The following ACSL1 variants were observed in gnomAD, a reference collection of about 807,000 sequenced individuals.
The protein encoded by ACSL1 is long-chain-fatty-acid--CoA ligase 1.
A neutral mutation model predicts 98.4 loss-of-function variants in ACSL1; 41 were observed. The ratio of observed to expected loss-of-function variants is 0.42; its 90% CI spans 0.32 to 0.54. The LOEUF (loss-of-function observed/expected upper bound fraction) is 0.54, where lower values mean the gene tolerates loss of function less well. ACSL1 is among the 20% of genes least tolerant of loss of function. The pLI, the probability that ACSL1 is intolerant of heterozygous loss-of-function variation, is 0.13. For missense variants in ACSL1, 734 were observed against 883.1 expected (o/e 0.83, Z 2.14); for synonymous variants, 316 against 322.7 (o/e 0.98, Z 0.22).
intron 4 of ACSL1, 128 bp downstream of exon 4, chr4:184,783,799 C>T (rs1193373931): frequency 1.2e-6 from 1 of 855,986 alleles, no homozygotes; most frequent in Non-Finnish European, 1.9e-6. Flanking sequence ...ATGCCCCATG[C>T]TTACGGCAAG....
In ACSL1 at chr4:184,766,293, G is replaced by A. The variant is rs1763602941; in HGVS notation, c.1264-307C>T. Among the ~76,000 whole-genome samples, 1 of 152,172 alleles carries A rather than the reference G, an allele frequency of 6.6e-6. No homozygotes were observed. Among genetic ancestry groups the A allele is most frequent in the Non-Finnish European group, 1.5e-5 (1 of 68,036 alleles). On this transcript the variant is annotated intron_variant, in intron 13 of 20. Transcript: ENST00000281455. This position sits in a 1 kb window ranked among gnomAD's most constrained non-coding sequence, Gnocchi z 4.8. Reference sequence around the variant, plus strand: ...TACCACAATTCTGGCCTTCTGGGGGGCATGATATTGTTACACGTTATCACT... The same window carrying A: ...TACCACAATTCTGGCCTTCTGGGGGACATGATATTGTTACACGTTATCACT...
At position 184,760,393 on chromosome 4, in the gene ACSL1, A is replaced by C. The variant is rs752043482; in HGVS notation, c.1746T>G (p.Pro582=). The C allele has an allele frequency of 6.2e-7, 1 of 1,614,198 alleles. No individual in the cohort carries two copies. ...KIENIYMRSE[P]VAQVFVHGES... ...CTCCGTGGACAAACACCTGAGCAAC[A>C]GGCTCACTTCGCATGTAGATATTTT... The change falls in exon 18 of 21, where the codon CCT becomes CCG. Residue 582 remains proline (P), a synonymous_variant. Transcript: ENST00000281455.
chr4:184,786,006 G>C (rs1302611094), intron 3 of ACSL1, among the ~76,000 whole-genome samples: 1 of 152,112 alleles, frequency 6.6e-6, no homozygotes, highest in Non-Finnish European at 1.5e-5. Flanking sequence ...TGGGTGAGCG[G>C]AGTGAGTGTG....
At position 184,825,210 on chromosome 4, in the gene ACSL1, TTCAAG is replaced by T; in HGVS notation, c.-33+701_-33+705del. The T allele has an allele frequency of 3.0e-6, 3 of 985,382 alleles. No homozygotes were observed. Among genetic ancestry groups the T allele is most frequent in the Non-Finnish European group, 3.6e-6 (3 of 829,912 alleles). 61.0% of individuals were successfully genotyped at this position (985,382 alleles called of 1,614,324 possible). On this transcript the variant is annotated intron_variant, in intron 1 of 20. Transcript: ENST00000281455. The surrounding 1 kb of genome is among the most constrained non-coding windows in gnomAD (Gnocchi z 4.7). ...CCCCAGACTCGAATCCACGTGTCCATTCAAGTCATCTACCGCCACTCTCCGTCTAC... is the reference window on the plus strand; with the variant it reads ...CCCCAGACTCGAATCCACGTGTCCATTCATCTACCGCCACTCTCCGTCTAC...
intron 12 of ACSL1, among the ~76,000 whole-genome samples, chr4:184,767,283 CAA>C (rs59005386): frequency 8.7e-4 from 83 of 95,508 alleles, no homozygotes; most frequent in Middle Eastern, 5.4e-3. Flanking sequence ...GACCCTGTCT[CAA>C]AAAAAAAAAA....
chr4:184,816,499 A>G (rs911402359), intron 1 of ACSL1, among the ~76,000 whole-genome samples: 10 of 152,138 alleles, frequency 6.6e-5, no homozygotes, highest in South Asian at 6.2e-4. Flanking sequence ...CAGAAAGAAA[A>G]AGAGACTATG....
intron 1 of ACSL1, chr4:184,813,901 C>A: frequency 2.2e-6 from 1 of 455,920 alleles, no homozygotes; most frequent in Non-Finnish European, 4.4e-6. Context: ...AAACTGCACG[C>A]AGAGAAGGTA....
At chr4:184,814,921 C>T in intron 1 of ACSL1, 1 of 400,478 alleles carries the variant, frequency 2.5e-6, no homozygotes, top group Admixed American at 3.0e-5. Context: ...AAAGAAGCAA[C>T]ACTCTGAACA....
chr4:184,794,576 G>A (rs1359291681), intron 2 of ACSL1, among the ~76,000 whole-genome samples: 2 of 152,072 alleles, frequency 1.3e-5, no homozygotes, highest in African/African-American at 4.8e-5. Context: ...TATGGAGCCT[G>A]CTAAAGGCCA....
At position 184,773,119 on chromosome 4, in the gene ACSL1, T is replaced by C. The variant is rs745865004; in HGVS notation, c.877A>G (p.Ile293Val). Reference sequence around the variant, plus strand: ...ACAAAAGCTGAACAATCGCTCACTATGTTTCGGTGAGTGACCATTGCTCCT... The same window carrying C: ...ACAAAAGCTGAACAATCGCTCACTACGTTTCGGTGAGTGACCATTGCTCCT... The part of the protein sequence containing the change: ...PKGAMVTHRN[I>V]VSDCSAFVKA... The change falls in exon 10 of 21, where the codon ATA (isoleucine) becomes GTA (valine). Residue 293 changes from isoleucine (I) to valine (V), a missense_variant. By Grantham distance (29) the Ile-to-Val change is conservative. Coordinates refer to ENST00000281455, the MANE Select transcript of ACSL1 (RefSeq NM_001995.5). This position sits in a 1 kb window ranked among gnomAD's most constrained non-coding sequence, Gnocchi z 4.3. 8.7e-5 allele frequency: 140 copies of C among 1,614,082 alleles called. 3 individuals are homozygous for C. In the South Asian group the frequency reaches 1.0e-3, roughly 12 times the overall value.
chr4:184,787,711 A>G (rs568297846), intron 3 of ACSL1, among the ~76,000 whole-genome samples: 4 of 152,094 alleles, frequency 2.6e-5, no homozygotes, highest in African/African-American at 9.7e-5. Flanking sequence ...TAAAAAATAC[A>G]AAATTAGCTG....
intron 1 of ACSL1, among the ~76,000 whole-genome samples, chr4:184,813,173 A>T (rs890150482): frequency 6.6e-5 from 10 of 152,232 alleles, no homozygotes; most frequent in Non-Finnish European, 8.8e-5. Flanking sequence ...GGTCATGTAC[A>T]GCCTTTGCGT....
At position 184,803,850 on chromosome 4, in the gene ACSL1, T is replaced by C. The variant is rs1290531636; in HGVS notation, c.-32-304A>G. 6.6e-6 allele frequency among the ~76,000 whole-genome samples: 1 copy of C among 152,222 alleles called. No individual in the cohort carries two copies. Among genetic ancestry groups the C allele is most frequent in the East Asian group, 1.9e-4 (1 of 5,202 alleles). The stretch of plus-strand genomic sequence containing the variant: ...AGAATTCTTCCCATAAAAACTCAAA[T>C]AAGTAGATTTAAGTTTCTATTTTCT... On this transcript the variant is annotated intron_variant, in intron 1 of 20. Transcript: ENST00000281455. This position sits in a 1 kb window ranked among gnomAD's most constrained non-coding sequence, Gnocchi z 4.8.
intron 2 of ACSL1, among the ~76,000 whole-genome samples, chr4:184,791,743 T>G (rs2150391269): frequency 6.6e-6 from 1 of 152,142 alleles, no homozygotes; most frequent in African/African-American, 2.4e-5. Context: ...CAGTGGGAGT[T>G]GGGAGCCGGG....
intron 1 of ACSL1, chr4:184,813,905 G>A (rs1385403558): frequency 4.4e-6 from 2 of 455,698 alleles, no homozygotes; most frequent in Non-Finnish European, 8.8e-6. Flanking sequence ...TGCACGCAGA[G>A]AAGGTACCTA....
In ACSL1 at chr4:184,757,225, T is replaced by C; in HGVS notation, c.1997A>G (p.Asp666Gly). Residue 666 changes from aspartate (D) to glycine (G), a missense_variant, in exon 21 of 21, where the codon GAC becomes GGC. Asp to Gly is a moderately conservative substitution (Grantham distance 94). Transcript: ENST00000281455. The surrounding 1 kb of genome is among the most constrained non-coding windows in gnomAD (Gnocchi z 4.5). Reference protein sequence around the residue: ...ITLHPELFSIDNGLLTPTMKA... With the variant: ...ITLHPELFSIGNGLLTPTMKA... ...CATTGTTGGAGTCAGAAGGCCATTGTCGATAGAAAATAATTCAGGGTGCAA... is the reference window on the plus strand; with the variant it reads ...CATTGTTGGAGTCAGAAGGCCATTGCCGATAGAAAATAATTCAGGGTGCAA... 2 of 1,608,352 alleles carry C rather than the reference T, an allele frequency of 1.2e-6. No individual in the cohort carries two copies. The highest frequency in any genetic ancestry group is 2.2e-5 in the South Asian group (2 of 90,958).
intron 1 of ACSL1, among the ~76,000 whole-genome samples, chr4:184,811,379 T>G (rs1470054326): frequency 6.6e-6 from 1 of 152,134 alleles, no homozygotes; most frequent in Non-Finnish European, 1.5e-5. Flanking sequence ...CCCAAAGTGC[T>G]GGGATTACAG....
intron 1 of ACSL1, among the ~76,000 whole-genome samples, chr4:184,819,094 T>C (rs1293685458): frequency 6.6e-6 from 1 of 150,866 alleles, no homozygotes; most frequent in Non-Finnish European, 1.5e-5. Flanking sequence ...GGACAAGGAA[T>C]GGCATTCCAA....
chr4:184,779,950 G>A (rs933340546), intron 5 of ACSL1, among the ~76,000 whole-genome samples: 5 of 150,384 alleles, frequency 3.3e-5, no homozygotes, highest in East Asian at 2.0e-4. Flanking sequence ...TTGGCTCACC[G>A]CAACCTCTGC....
Sources: gnomAD v4.1 joint callset for allele counts (sites outside exome capture counted in the v4.1 genomes callset) on GRCh38, gnomAD v4.1.1 for gene constraint, Gnocchi (gnomAD v3.1) non-coding constraint, MANE v1.5 for transcripts, NCBI Gene and HGNC (gene_info 2026-07-23, HGNC 2026-07-21) for gene names.